BICC1: variants seen among roughly 807,000 people sequenced by gnomAD.
BICC1 encodes BicC family RNA binding protein 1.
In BICC1, 43 loss-of-function variants were observed where a neutral mutation model predicts 111.0. The observed-to-expected ratio is 0.39, with a 90% CI of 0.30 to 0.50. The LOEUF is 0.50. Ranked by LOEUF, BICC1 falls within the 20% of genes least tolerant of loss-of-function variation. The pLI, the probability that BICC1 is intolerant of heterozygous loss-of-function variation, is 0.88. For synonymous variants in BICC1, 467 were observed against 434.4 expected, an observed-to-expected ratio of 1.07 and a Z score of -0.93; for missense variants, 1,091 against 1,203.2, an observed-to-expected ratio of 0.91 and a Z score of 1.38.
chr10:58,664,155 G>A (rs1355737302), intron 2 of BICC1, among the ~76,000 whole-genome samples: 2 of 152,108 alleles, frequency 1.3e-5, no homozygotes, highest in Admixed American at 1.3e-4. Context: ...TTCTAAAGTA[G>A]CTATGCCATT....
rs555091613 is a variant in BICC1 at position 58,587,171 on chromosome 10, C to T, written c.191-33684C>T. ...AATTTTAGAAGCTTCTTGGTCCTTC[C>T]GTCTTCTTCTGTGTTCATGCATACG... On this transcript the variant is annotated intron_variant, in intron 1 of 20. Transcript: ENST00000373886. Among the ~76,000 whole-genome samples, 7 of 152,192 alleles carry T rather than the reference C, an allele frequency of 4.6e-5. No individual in the cohort carries two copies. The South Asian group carries it at 6.2e-4, about 14-fold the overall frequency.
At chr10:58,657,094 T>C (rs143853214) in intron 2 of BICC1, among the ~76,000 whole-genome samples, 2 of 152,286 alleles carry the variant, frequency 1.3e-5, no homozygotes, top group Admixed American at 6.5e-5. Flanking sequence ...AATGAGCTGC[T>C]AGCTTCTCCT....
chr10:58,706,211 A>C (rs1840383068), intron 3 of BICC1, among the ~76,000 whole-genome samples: 5 of 152,226 alleles, frequency 3.3e-5, no homozygotes, highest in Admixed American at 2.0e-4. Flanking sequence ...GGACTCATTA[A>C]AATTTTGAAC....
intron 1 of BICC1, among the ~76,000 whole-genome samples, chr10:58,569,136 T>C (rs929801777): frequency 2.0e-5 from 3 of 152,200 alleles, no homozygotes; most frequent in African/African-American, 7.2e-5. Context: ...TGTTCATGTA[T>C]GTTTAAAAGT....
chr10:58,707,012 G>T (rs1840405177), intron 3 of BICC1, among the ~76,000 whole-genome samples: 2 of 152,200 alleles, frequency 1.3e-5, no homozygotes, highest in Non-Finnish European at 2.9e-5. Context: ...AGTGGTCCTT[G>T]CATGATGACT....
chr10:58,666,666 G>C (rs568761314), intron 2 of BICC1, among the ~76,000 whole-genome samples: 1 of 152,232 alleles, frequency 6.6e-6, no homozygotes, highest in African/African-American at 2.4e-5. Flanking sequence ...TCTTGGGCAA[G>C]TTACTTAGTG....
chr10:58,671,091 C>A (rs540729977), intron 2 of BICC1, among the ~76,000 whole-genome samples: 1 of 152,140 alleles, frequency 6.6e-6, no homozygotes, highest in African/African-American at 2.4e-5. Flanking sequence ...CCATGTAAGG[C>A]GGTTTCCCTC....
chr10:58,622,520 G>C (rs929315184), intron 2 of BICC1, among the ~76,000 whole-genome samples: 2 of 152,224 alleles, frequency 1.3e-5, no homozygotes, highest in African/African-American at 2.4e-5. Context: ...CTATGAGTTA[G>C]AGTCATAGAT....
intron 1 of BICC1, among the ~76,000 whole-genome samples, chr10:58,528,538 A>T (rs942162478): frequency 6.6e-6 from 1 of 151,948 alleles, no homozygotes; most frequent in Non-Finnish European, 1.5e-5. Flanking sequence ...ATCTTCTCAG[A>T]TAAGAGATAA....
intron 2 of BICC1, among the ~76,000 whole-genome samples, chr10:58,694,277 A>T (rs1040343781): frequency 6.6e-6 from 1 of 152,020 alleles, no homozygotes; most frequent in Non-Finnish European, 1.5e-5. Flanking sequence ...TGACTGGGAG[A>T]CAAGGAGTCA....
chr10:58,731,965 C>A (rs913806983), intron 3 of BICC1, among the ~76,000 whole-genome samples: 3 of 152,174 alleles, frequency 2.0e-5, no homozygotes, highest in Admixed American at 1.3e-4. Flanking sequence ...ATTTCTCTTT[C>A]TTATCATTTG....
chr10:58,614,815 A>G (rs1234762625), intron 1 of BICC1, among the ~76,000 whole-genome samples: 1 of 152,198 alleles, frequency 6.6e-6, no homozygotes, highest in Non-Finnish European at 1.5e-5. Context: ...TGAAATTTCA[A>G]CAGATGAATT....
chr10:58,604,001 T>A (rs1845127191), intron 1 of BICC1, among the ~76,000 whole-genome samples: 1 of 152,214 alleles, frequency 6.6e-6, no homozygotes, highest in Non-Finnish European at 1.5e-5. Context: ...ATATTTCTGT[T>A]ATGTGCAAGG....
chr10:58,778,346 C>T (rs1031290029), intron 3 of BICC1, among the ~76,000 whole-genome samples: 5 of 152,060 alleles, frequency 3.3e-5, no homozygotes, highest in South Asian at 2.1e-4. Context: ...CAAAAATACA[C>T]GCATAATTTT....
intron 14 of BICC1, among the ~76,000 whole-genome samples, chr10:58,801,996 T>C (rs747384125): frequency 1.3e-5 from 2 of 152,234 alleles, no homozygotes; most frequent in Non-Finnish European, 2.9e-5. Flanking sequence ...ATCTTTTGGC[T>C]TAAGCTGCAG....
intron 1 of BICC1, among the ~76,000 whole-genome samples, chr10:58,583,391 A>G (rs1362891967): frequency 2.1e-5 from 3 of 144,454 alleles, no homozygotes; most frequent in Non-Finnish European, 3.0e-5. Flanking sequence ...TCGAGTCCCC[A>G]AAGTCCATTA....
chr10:58,814,449 A>G, intron 18 of BICC1: 1 of 289,874 alleles, frequency 3.4e-6, no homozygotes, highest in Non-Finnish European at 6.4e-6. Context: ...TAATGTACAC[A>G]CATGCATCCA....
At chr10:58,699,312 CAG>C (rs1840158925) in intron 2 of BICC1, among the ~76,000 whole-genome samples, 1 of 152,202 alleles carries the variant, frequency 6.6e-6, no homozygotes, top group Non-Finnish European at 1.5e-5. Flanking sequence ...ACGGTATAGA[CAG>C]GGAGTTGTAG....
intron 2 of BICC1, among the ~76,000 whole-genome samples, chr10:58,679,098 T>G (rs894213254): frequency 5.3e-5 from 8 of 152,066 alleles, no homozygotes; most frequent in South Asian, 2.1e-4. Context: ...GATCTAAAAT[T>G]GACACCCTAA....
Sources: gnomAD v4.1 joint callset for allele counts (sites outside exome capture counted in the v4.1 genomes callset) on GRCh38, gnomAD v4.1.1 for gene constraint, MANE v1.5 for transcripts, NCBI Gene and HGNC (gene_info 2026-07-23, HGNC 2026-07-21) for gene names.